The following C7orf57 variants were observed in gnomAD, a reference collection of about 807,000 sequenced individuals.
C7orf57 encodes the protein uncharacterized protein C7orf57.
In C7orf57, 33 loss-of-function variants were observed where a neutral mutation model predicts 39.0. That is an observed-to-expected ratio of 0.85 (90% confidence interval 0.64 to 1.13). The LOEUF is 1.13. C7orf57 is among the 50% of genes most tolerant of loss of function. The pLI is 0.00. For missense variants in C7orf57, 346 were observed against 362.3 expected (o/e 0.95, Z 0.37); for synonymous variants, 124 against 137.1 (o/e 0.90, Z 0.67).
At position 48,035,705 on chromosome 7, in the gene C7orf57, C is replaced by T; in HGVS notation, c.-102+75C>T. ...GGCCTTGTCCACTGTGCGGAGCTCGCAGTGCGGGCAGTGCGCGCCGGGGCT... is the reference window on the plus strand; with the variant it reads ...GGCCTTGTCCACTGTGCGGAGCTCGTAGTGCGGGCAGTGCGCGCCGGGGCT... On this transcript the variant is annotated intron_variant, in intron 1 of 8. Transcript: ENST00000348904. The surrounding 1 kb of genome is among the most constrained non-coding windows in gnomAD (Gnocchi z 4.0). The T allele has an allele frequency of 1.7e-6, 1 of 588,188 alleles. No homozygotes were observed. Among genetic ancestry groups the T allele is most frequent in the Non-Finnish European group, 3.0e-6 (1 of 330,976 alleles). 36.4% of individuals were successfully genotyped at this position (588,188 alleles called of 1,614,324 possible). A position where few individuals can be genotyped will look rare whatever the true frequency, so the allele number is the denominator to read the frequency against.
At chr7:48,051,795 T>TTTCCTTCC (rs1228700045) in intron 6 of C7orf57, among the ~76,000 whole-genome samples, 60 of 77,544 alleles carry the variant, frequency 7.7e-4, no homozygotes, top group Middle Eastern at 9.8e-3. Flanking sequence ...TCTTTCTTTC[T>TTTCCTTCC]TTCCTTCCTT....
chr7:48,037,789 G>T, intron 2 of C7orf57, among the ~76,000 whole-genome samples: 1 of 149,564 alleles, frequency 6.7e-6, no homozygotes, highest in South Asian at 2.1e-4. Flanking sequence ...GCGTGTGTGT[G>T]AGGTGGTCAC....
At chr7:48,043,913 T>TGGGCTGCTCTCAAGATGGTGGC (rs1562624892) in intron 4 of C7orf57, among the ~76,000 whole-genome samples, 4 of 152,032 alleles carry the variant, frequency 2.6e-5, no homozygotes, top group Non-Finnish European at 4.4e-5. Flanking sequence ...AAGATGGTGG[T>TGGGCTGCTCTCAAGATGGTGGC]GGGCTGCTCT....
intron 8 of C7orf57, among the ~76,000 whole-genome samples, chr7:48,057,221 T>C (rs576857298): frequency 2.0e-5 from 3 of 152,272 alleles, no homozygotes; most frequent in African/African-American, 7.2e-5. Flanking sequence ...TTGGGTAGTA[T>C]GGACATTTTG....
rs190527488 is a variant in C7orf57 at position 48,056,327 on chromosome 7, T to G, written c.841+1721T>G. Among the ~76,000 whole-genome samples, 159 of 152,320 alleles carry G rather than the reference T, an allele frequency of 1.0e-3. 1 individual carries two copies. The highest frequency in any genetic ancestry group is 3.5e-3 in the African/African-American group (147 of 41,582). On this transcript the variant is annotated intron_variant, in intron 8 of 8. Transcript: ENST00000348904. Reference sequence around the variant, plus strand: ...ATTGGATTATTTGTTTTTTTGCTACTGAGTTGAGTTCCTTATACATTTTGG... The same window carrying G: ...ATTGGATTATTTGTTTTTTTGCTACGGAGTTGAGTTCCTTATACATTTTGG...
In C7orf57 at chr7:48,058,485, G is replaced by A. The variant is rs778667371; in HGVS notation, c.842-1741G>A. 1.3e-5 allele frequency among the ~76,000 whole-genome samples: 2 copies of A among 151,872 alleles called. 1 individual carries two copies. Among genetic ancestry groups the A allele is most frequent in the South Asian group, 4.2e-4 (2 of 4,812 alleles). On this transcript the variant is annotated intron_variant, in intron 8 of 8. Transcript: ENST00000348904. The stretch of plus-strand genomic sequence containing the variant: ...TTTCCTCTAGACTATCCAATTCGTT[G>A]GTGTATAATCCTTCACAGTTGTCCT...
intron 7 of C7orf57, among the ~76,000 whole-genome samples, chr7:48,053,526 A>G (rs1164874964): frequency 3.3e-5 from 5 of 152,134 alleles, no homozygotes; most frequent in Admixed American, 3.3e-4. Context: ...ATCACAGATC[A>G]CTGTAGCCTC....
chr7:48,042,472 A>AT (rs926016779), intron 3 of C7orf57, among the ~76,000 whole-genome samples: 2 of 151,874 alleles, frequency 1.3e-5, no homozygotes, highest in African/African-American at 4.8e-5. Flanking sequence ...AGGACTGGGC[A>AT]TTGTGTCTGC....
intron 3 of C7orf57, among the ~76,000 whole-genome samples, chr7:48,042,962 ACCTTTCAGGGGCTTGTAT>A (rs1447493672): frequency 5.9e-5 from 9 of 152,030 alleles, no homozygotes; most frequent in Non-Finnish European, 1.3e-4. Context: ...TCTCCCAGGT[ACCTTTCAGGGGCTTGTAT>A]CCTACTTCCC....
chr7:48,039,646 A>AAT (rs1790486667), intron 2 of C7orf57, among the ~76,000 whole-genome samples: 1 of 152,204 alleles, frequency 6.6e-6, no homozygotes, highest in Non-Finnish European at 1.5e-5. Flanking sequence ...ACACAGCTAA[A>AAT]ATAATGCTTT....
intron 4 of C7orf57, among the ~76,000 whole-genome samples, chr7:48,045,973 A>T (rs1198644279): frequency 6.6e-6 from 1 of 152,224 alleles, no homozygotes; most frequent in Non-Finnish European, 1.5e-5. Context: ...TTAAGGGGTC[A>T]AAGTGGTAGA....
intron 4 of C7orf57, 103 bp downstream of exon 4, chr7:48,043,692 G>A (rs2128792359): frequency 1.1e-6 from 1 of 880,874 alleles, no homozygotes; most frequent in Non-Finnish European, 1.8e-6. Context: ...TAGCAAGCAT[G>A]TGATATGACA....
intron 2 of C7orf57, among the ~76,000 whole-genome samples, chr7:48,039,440 A>G (rs1193651269): frequency 6.6e-6 from 1 of 150,566 alleles, no homozygotes; most frequent in East Asian, 2.0e-4. Context: ...GGCCTGAACT[A>G]ATTTTTCAGG....
rs1172019612 is a variant in C7orf57 at position 48,035,892 on chromosome 7, G to T, written c.-102+262G>T. 6.6e-6 allele frequency among the ~76,000 whole-genome samples: 1 copy of T among 152,002 alleles called. No individual in the cohort carries two copies. Among genetic ancestry groups the T allele is most frequent in the Non-Finnish European group, 1.5e-5 (1 of 67,988 alleles). On this transcript the variant is annotated intron_variant, in intron 1 of 8. Coordinates refer to ENST00000348904, the MANE Select transcript of C7orf57 (RefSeq NM_001100159.3). This position sits in a 1 kb window ranked among gnomAD's most constrained non-coding sequence, Gnocchi z 4.0. ...CTGTACTGGATACCCGGCGTGACGT[G>T]CCCCCTCTGTGTGCCCCGCACGCAC...
rs1329844687 is a variant in C7orf57 at position 48,046,617 on chromosome 7, G to T, written c.507+1G>T. 1.2e-6 allele frequency: 2 copies of T among 1,611,230 alleles called. No homozygotes were observed. The highest frequency in any genetic ancestry group is 2.2e-5 in the East Asian group (1 of 44,798). ...GGAACTTGAAAAGGAGAAAAAAAAG[G>T]TGACGGGAGCCCATAAATAGACGGC... is the stretch of plus-strand genomic sequence containing the variant. On this transcript the variant is annotated splice_donor_variant, in intron 5 of 8. Coordinates refer to ENST00000348904, the MANE Select transcript of C7orf57 (RefSeq NM_001100159.3). LOFTEE classifies it high-confidence loss of function.
At chr7:48,036,932 T>G (rs1223201585) in intron 2 of C7orf57, among the ~76,000 whole-genome samples, 3 of 56,744 alleles carry the variant, frequency 5.3e-5, no homozygotes, top group African/African-American at 1.5e-4. Flanking sequence ...GTCTTCTGGG[T>G]TTTTTTTTTT....
At chr7:48,054,789 AAACTT>A (rs1364885491) in intron 8 of C7orf57, among the ~76,000 whole-genome samples, 183 bp downstream of exon 8, 3 of 152,176 alleles carry the variant, frequency 2.0e-5, no homozygotes, top group African/African-American at 4.8e-5. Context: ...AGAGTTCCAG[AAACTT>A]AACTTAGGGA....
In C7orf57 at chr7:48,043,538, T is replaced by C. The variant is rs1012615298; in HGVS notation, c.299T>C (p.Leu100Pro). 1.2e-6 allele frequency: 2 copies of C among 1,613,990 alleles called. No homozygotes were observed. Among genetic ancestry groups the C allele is most frequent in the Non-Finnish European group, 1.7e-6 (2 of 1,179,880 alleles). Residue 100 changes from leucine (L) to proline (P), a missense_variant, in exon 4 of 9, where the codon CTG (leucine) becomes CCG (proline). Leu to Pro is a moderately conservative substitution (Grantham distance 98). Transcript: ENST00000348904. ...AAAGGCTCTCCAGTGGCCTACTCCCTGCCAGACTGGTATATCCACCACAGC... is the reference window on the plus strand; with the variant it reads ...AAAGGCTCTCCAGTGGCCTACTCCCCGCCAGACTGGTATATCCACCACAGC... ...TRKGSPVAYSLPDWYIHHSKP... is the reference protein window; with the variant it reads ...TRKGSPVAYSPPDWYIHHSKP...
At chr7:48,037,749 C>CTGTGTGTGTGTGTGTGTGTG (rs71006544) in intron 2 of C7orf57, among the ~76,000 whole-genome samples, 10 of 150,684 alleles carry the variant, frequency 6.6e-5, no homozygotes, top group South Asian at 6.3e-4. Flanking sequence ...CTTTAACCCT[C>CTGTGTGTGTGTGTGTGTGTG]TGTGTGTGTG....
Sources: gnomAD v4.1 joint callset for allele counts (sites outside exome capture counted in the v4.1 genomes callset) on GRCh38, gnomAD v4.1.1 for gene constraint, Gnocchi (gnomAD v3.1) non-coding constraint, MANE v1.5 for transcripts, NCBI Gene and HGNC (gene_info 2026-07-23, HGNC 2026-07-21) for gene names.